The following CTTNBP2 variants were observed in gnomAD, a reference collection of about 807,000 sequenced individuals.
CTTNBP2 encodes cortactin binding protein 2.
Under a neutral mutation model 156.9 loss-of-function variants are expected in CTTNBP2, and 108 were observed. The observed-to-expected ratio is 0.69, with a 90% confidence interval of 0.59 to 0.81. The LOEUF (loss-of-function observed/expected upper bound fraction) is 0.81. CTTNBP2 is among the 30% of genes least tolerant of loss of function. The probability of loss-of-function intolerance (pLI) is 0.00; values close to 1 mark genes in which losing one functional copy is unlikely to be tolerated. For missense variants in CTTNBP2, 1,924 were observed against 2,035.4 expected (o/e 0.95, Z 1.05); for synonymous variants, 767 against 751.8 (o/e 1.02, Z -0.33).
intron 12 of CTTNBP2, among the ~76,000 whole-genome samples, chr7:117,750,932 C>T (rs754134935): frequency 6.6e-6 from 1 of 152,280 alleles, no homozygotes; most frequent in Non-Finnish European, 1.5e-5. Flanking sequence ...ATTGTAGTTA[C>T]CAGAATTATC....
Position 117,792,882 on chromosome 7 carries a change from A to C in CTTNBP2, c.415-101T>G. On this transcript the variant is annotated intron_variant, in intron 3 of 22. Transcript: ENST00000160373. This position sits in a 1 kb window ranked among gnomAD's most constrained non-coding sequence, Gnocchi z 4.2. ...TTTTTATTAATTTTCTAACAATTAC[A>C]TAACTCGGGTTAGCAAAAACGCCAC... 3 of 851,978 alleles carry C rather than the reference A, an allele frequency of 3.5e-6. No individual in the cohort carries two copies. Among genetic ancestry groups the C allele is most frequent in the Non-Finnish European group, 5.0e-6 (3 of 604,682 alleles). The allele number at this position is 851,978 out of a possible 1,614,324, so 52.8% of individuals were successfully genotyped here. A position where few individuals can be genotyped will look rare whatever the true frequency, so the allele number is the denominator to read the frequency against.
intron 11 of CTTNBP2, 107 bp from the exon 12 acceptor site, chr7:117,756,741 G>A: frequency 1.2e-6 from 1 of 810,322 alleles, no homozygotes; most frequent in South Asian, 1.4e-5. Context: ...GTTGACTTAT[G>A]TAGGCAGAGC....
intron 9 of CTTNBP2, among the ~76,000 whole-genome samples, chr7:117,765,064 C>T (rs10250116): frequency 0.27 from 40,699 of 151,936 alleles, 10,063 homozygotes; most frequent in African/African-American, 0.66. Context: ...GCCTCCTGAG[C>T]AGCTGGAATT....
chr7:117,745,830 C>T lies in CTTNBP2; in HGVS notation c.3535+1G>A. On this transcript the variant is annotated splice_donor_variant, in intron 14 of 22. Coordinates refer to ENST00000160373, the MANE Select transcript of CTTNBP2 (RefSeq NM_033427.3). LOFTEE classifies it high-confidence loss of function. ...CAGGCAATTTGCTGAAATGTTCTTA[C>T]CGCTACTAATGAACAGGTCTAGTAG... 1 of 1,607,744 alleles carries T rather than the reference C, an allele frequency of 6.2e-7. No individual in the cohort carries two copies. The highest frequency in any genetic ancestry group is 1.1e-5 in the South Asian group (1 of 90,870).
chr7:117,791,590 G>A lies in CTTNBP2; in HGVS notation c.1606C>T (p.Arg536Ter), dbSNP rs1799014001. The change falls in exon 4 of 23, where the codon CGA becomes TGA. Residue 536 changes from arginine (R) to a stop codon, truncating the protein, a stop_gained. Transcript: ENST00000160373. LOFTEE classifies it high-confidence loss of function. ...GGAGGAGGATTTCCTCTGTCAACTCGTGCTACACCATGAGTCTTTAAACTG... is the reference window on the plus strand; with the variant it reads ...GGAGGAGGATTTCCTCTGTCAACTCATGCTACACCATGAGTCTTTAAACTG... ...RTSLKTHGVA[R>*]VDRGNPPPIP... The A allele has an allele frequency of 1.9e-6, 3 of 1,614,112 alleles. No homozygotes were observed. Among genetic ancestry groups the A allele is most frequent in the Non-Finnish European group, 2.5e-6 (3 of 1,179,974 alleles).
At chr7:117,800,207 A>G (rs1799536077) in intron 3 of CTTNBP2, among the ~76,000 whole-genome samples, 2 of 152,062 alleles carry the variant, frequency 1.3e-5, no homozygotes, top group African/African-American at 4.8e-5. Flanking sequence ...AAGCAAACAA[A>G]GCTGGAAGAC....
At position 117,792,023 on chromosome 7, in the gene CTTNBP2, T is replaced by G. The variant is rs201811547; in HGVS notation, c.1173A>C (p.Thr391=). 5.3e-5 allele frequency: 86 copies of G among 1,614,018 alleles called. No homozygotes were observed. In the Admixed American group the frequency reaches 1.4e-3, roughly 26 times the overall value. ...GGGGTGTGCTACTGGTTGGATCTGG[T>G]GTTGAGCCAGTGCTTGGTCCATTTT... ...IEENGPSTGS[T]PDPTSSTPPL... Residue 391 remains threonine (T), a synonymous_variant, in exon 4 of 23, where the codon ACA becomes ACC. Coordinates refer to ENST00000160373, the MANE Select transcript of CTTNBP2 (RefSeq NM_033427.3). The surrounding 1 kb of genome is among the most constrained non-coding windows in gnomAD (Gnocchi z 4.2).
intron 2 of CTTNBP2, among the ~76,000 whole-genome samples, chr7:117,856,359 T>C (rs1352083071): frequency 1.3e-5 from 2 of 152,168 alleles, no homozygotes; most frequent in Non-Finnish European, 2.9e-5. Flanking sequence ...AAAACAAAAA[T>C]AACATGGGTT....
At chr7:117,817,333 C>CAAA (rs1165563266) in intron 2 of CTTNBP2, among the ~76,000 whole-genome samples, 18 of 27,164 alleles carry the variant, frequency 6.6e-4, no homozygotes, top group Non-Finnish European at 1.0e-3. Context: ...GACTCCATCT[C>CAAA]AAAAAAAAAA....
chr7:117,799,808 A>G (rs1799516059), intron 3 of CTTNBP2, among the ~76,000 whole-genome samples: 1 of 152,142 alleles, frequency 6.6e-6, no homozygotes, highest in Admixed American at 6.5e-5. Flanking sequence ...TAAGTAATAT[A>G]GCAAGATTAC....
intron 17 of CTTNBP2, among the ~76,000 whole-genome samples, chr7:117,725,494 A>G (rs969781464): frequency 2.6e-5 from 4 of 152,208 alleles, no homozygotes; most frequent in Admixed American, 2.6e-4. Flanking sequence ...GTCTCTCTCA[A>G]TGTAGAATCA....
intron 2 of CTTNBP2, among the ~76,000 whole-genome samples, chr7:117,858,365 G>A (rs893628258): frequency 2.6e-4 from 39 of 151,962 alleles, no homozygotes; most frequent in African/African-American, 8.7e-4. Flanking sequence ...GTGAGACTCC[G>A]TCTCAAAAAA....
At chr7:117,723,200 T>A (rs1238108726) in intron 19 of CTTNBP2, among the ~76,000 whole-genome samples, 1 of 152,182 alleles carries the variant, frequency 6.6e-6, no homozygotes, top group Non-Finnish European at 1.5e-5. Context: ...ATTCATTTTA[T>A]TCAGTAAATT....
At chr7:117,770,957 T>A (rs545627874) in intron 8 of CTTNBP2, among the ~76,000 whole-genome samples, 1 of 152,214 alleles carries the variant, frequency 6.6e-6, no homozygotes, top group Non-Finnish European at 1.5e-5. Context: ...TAGAGACATC[T>A]GCTATAACAG....
chr7:117,760,774 T>G, intron 9 of CTTNBP2, 64 bp from the exon 10 acceptor site: 1 of 1,084,696 alleles, frequency 9.2e-7, no homozygotes, highest in Non-Finnish European at 1.3e-6. Context: ...AGTAAAACTA[T>G]TACATAAAAT....
At chr7:117,841,491 T>C (rs559752096) in intron 2 of CTTNBP2, among the ~76,000 whole-genome samples, 2 of 152,246 alleles carry the variant, frequency 1.3e-5, no homozygotes, top group African/African-American at 4.8e-5. Flanking sequence ...AGCTTTGCTA[T>C]AGAGGATGAA....
At position 117,847,175 on chromosome 7, in the gene CTTNBP2, A is replaced by G. The variant is rs78857216; in HGVS notation, c.189+14034T>C. On this transcript the variant is annotated intron_variant, in intron 2 of 22. Transcript: ENST00000160373. ...GGGGCATCCAGAAAAAAAAAAATGCACAAGCTGGTTTTCAAAGCAATGAAA... is the reference window on the plus strand; with the variant it reads ...GGGGCATCCAGAAAAAAAAAAATGCGCAAGCTGGTTTTCAAAGCAATGAAA... Among the ~76,000 whole-genome samples, 968 of 152,218 alleles carry G rather than the reference A, an allele frequency of 6.4e-3. 11 individuals are homozygous for G. The highest frequency in any genetic ancestry group is 0.022 in the African/African-American group (900 of 41,540).
Position 117,756,594 on chromosome 7 carries a change from G to T in CTTNBP2, c.3309C>A (p.Ser1103=). 6.2e-7 allele frequency: 1 copy of T among 1,613,818 alleles called. No homozygotes were observed. The highest frequency in any genetic ancestry group is 8.5e-7 in the Non-Finnish European group (1 of 1,179,730). ...TCTGCATCATCTGGAGAGGGATCAT[G>T]GAGGCATAAGTCACACTACTGAGAC... ...EGCLSSVTYA[S]MIPLQMMQNY... The change falls in exon 12 of 23, where the codon TCC becomes TCA. Residue 1103 remains serine, a synonymous_variant. Transcript: ENST00000160373.
intron 1 of CTTNBP2, among the ~76,000 whole-genome samples, chr7:117,869,583 G>A (rs374976816): frequency 2.0e-4 from 31 of 152,250 alleles, no homozygotes; most frequent in East Asian, 7.7e-4. Flanking sequence ...CCAAGGCTGT[G>A]AAACATTTTC....
Sources: gnomAD v4.1 joint callset for allele counts (sites outside exome capture counted in the v4.1 genomes callset) on GRCh38, gnomAD v4.1.1 for gene constraint, Gnocchi (gnomAD v3.1) non-coding constraint, MANE v1.5 for transcripts, NCBI Gene and HGNC (gene_info 2026-07-23, HGNC 2026-07-21) for gene names.